KIF1A: variants seen among roughly 807,000 people sequenced by gnomAD.
KIF1A encodes the protein kinesin-like protein KIF1A.
KIF1A carries 46 observed loss-of-function variants against 227.3 expected under a neutral mutation model. The ratio of observed to expected loss-of-function variants is 0.20; its 90% CI spans 0.16 to 0.26. The LOEUF (loss-of-function observed/expected upper bound fraction) is 0.26. KIF1A is among the 10% of genes least tolerant of loss of function. The pLI is 1.00. For missense variants in KIF1A, 1,683 were observed against 2,485.9 expected, an observed-to-expected ratio of 0.68 and a Z score of 6.87; for synonymous variants, 1,022 against 1,012.8, an observed-to-expected ratio of 1.01 and a Z score of -0.17.
chr2:240,731,034 G>C (rs112343256), intron 38 of KIF1A, among the ~76,000 whole-genome samples: 20 of 152,336 alleles, frequency 1.3e-4, no homozygotes, highest in African/African-American at 4.6e-4. Flanking sequence ...TCTGTCCTGT[G>C]GGGAAATGTA....
intron 23 of KIF1A, 108 bp from the exon 24 acceptor site, chr2:240,761,485 A>G: frequency 1.9e-6 from 2 of 1,047,810 alleles, no homozygotes; most frequent in Non-Finnish European, 2.7e-6. Flanking sequence ...GGGCTGCCTA[A>G]GCTGACCCTG....
At chr2:240,754,782 G>A (rs1051468350) in intron 27 of KIF1A, among the ~76,000 whole-genome samples, 13 of 152,002 alleles carry the variant, frequency 8.6e-5, no homozygotes, top group African/African-American at 1.2e-4. Context: ...GCCGAGAGAC[G>A]CCATCCGCAG....
In KIF1A at chr2:240,792,063, C is replaced by T. The variant is rs1471848346; in HGVS notation, c.107-2751G>A. On this transcript the variant is annotated intron_variant, in intron 2 of 48. Transcript: ENST00000498729. The surrounding 1 kb of genome is among the most constrained non-coding windows in gnomAD (Gnocchi z 4.5). Reference sequence around the variant, plus strand: ...CCCTGTGCTGTGGCTGGGAACCATCCTCTGTCACTACAGATGGGCCCCAAG... The same window carrying T: ...CCCTGTGCTGTGGCTGGGAACCATCTTCTGTCACTACAGATGGGCCCCAAG... Among the ~76,000 whole-genome samples, 2 of 152,014 alleles carry T rather than the reference C, an allele frequency of 1.3e-5. No individual in the cohort carries two copies. The highest frequency in any genetic ancestry group is 4.8e-5 in the African/African-American group (2 of 41,400).
intron 45 of KIF1A, 129 bp downstream of exon 45, chr2:240,720,785 C>G: frequency 5.1e-6 from 6 of 1,179,728 alleles, no homozygotes; most frequent in Non-Finnish European, 5.8e-6. Context: ...CTTCCCTCAG[C>G]CTGTGGCCAC....
At chr2:240,730,646 A>T (rs982443114) in intron 38 of KIF1A, among the ~76,000 whole-genome samples, 4 of 152,226 alleles carry the variant, frequency 2.6e-5, no homozygotes, top group African/African-American at 7.2e-5. Flanking sequence ...ACATGATCCC[A>T]GCAGGAGACT....
chr2:240,796,349 A>G (rs1408465800), intron 2 of KIF1A, among the ~76,000 whole-genome samples: 4 of 152,218 alleles, frequency 2.6e-5, no homozygotes, highest in African/African-American at 9.6e-5. Flanking sequence ...TTGTTGGAAA[A>G]GCACTGGCCT....
In KIF1A at chr2:240,785,770, G is replaced by A. The variant is rs114425824; in HGVS notation, c.608+565C>T. Among the ~76,000 whole-genome samples the A allele has an allele frequency of 7.4e-3, 1,122 of 152,308 alleles. 19 individuals carry two copies. The highest frequency in any genetic ancestry group is 0.026 in the African/African-American group (1,099 of 41,570). ...GCCCTTGTGGGGCCACCAAAGGGGT[G>A]CAGGATGGCGCAGAGTGTGACTCAC... On this transcript the variant is annotated intron_variant, in intron 6 of 48. Coordinates refer to ENST00000498729, the MANE Select transcript of KIF1A (RefSeq NM_001244008.2).
chr2:240,791,365 A>G (rs2126111133), intron 2 of KIF1A, among the ~76,000 whole-genome samples: 1 of 152,074 alleles, frequency 6.6e-6, no homozygotes, highest in South Asian at 2.1e-4. Context: ...CAAGCCAGCA[A>G]CACCCACCGT....
chr2:240,796,403 G>A (rs2056402199), intron 2 of KIF1A, among the ~76,000 whole-genome samples: 1 of 152,108 alleles, frequency 6.6e-6, no homozygotes, highest in African/African-American at 2.4e-5. Context: ...TCATCCACGG[G>A]CCCCGGCAAG....
intron 46 of KIF1A, 80 bp downstream of exon 46, chr2:240,719,685 TGTGCCCCCA>T: frequency 2.9e-6 from 4 of 1,368,248 alleles, no homozygotes; most frequent in Non-Finnish European, 2.9e-6. Flanking sequence ...TGAGGGTCCC[TGTGCCCCCA>T]GTATGGGGAG....
intron 5 of KIF1A, among the ~76,000 whole-genome samples, 172 bp from the exon 6 acceptor site, chr2:240,786,685 TGAGGGGATGGGA>T (rs2054840515): frequency 8.0e-5 from 10 of 125,560 alleles, no homozygotes; most frequent in Admixed American, 1.6e-4. Flanking sequence ...CCAGGACCCC[TGAGGGGATGGGA>T]GCCAGCATCA....
intron 16 of KIF1A, 92 bp downstream of exon 16, chr2:240,769,535 A>T: frequency 9.4e-7 from 1 of 1,058,434 alleles, no homozygotes; most frequent in Non-Finnish European, 1.4e-6. Flanking sequence ...GGTGCCCAGC[A>T]CTGGAGGGCA....
chr2:240,784,967 G>T (rs200114776), intron 7 of KIF1A, 22 bp downstream of exon 7: 1 of 1,594,298 alleles, frequency 6.3e-7, no homozygotes, highest in South Asian at 1.1e-5. Context: ...TGGTGGCACC[G>T]CCTGTGAGGC....
chr2:240,801,972 C>T (rs915340142), intron 1 of KIF1A, among the ~76,000 whole-genome samples: 5 of 151,952 alleles, frequency 3.3e-5, no homozygotes, highest in Non-Finnish European at 5.9e-5. Context: ...TGCTGAAGCA[C>T]ATTGATCCAC....
At chr2:240,730,267 C>A (rs913267637) in intron 38 of KIF1A, among the ~76,000 whole-genome samples, 1 of 152,200 alleles carries the variant, frequency 6.6e-6, no homozygotes. Context: ...TGGGGCCCAC[C>A]GGGCTTGCAG....
intron 44 of KIF1A, 111 bp from the exon 45 acceptor site, chr2:240,721,149 C>T (rs1165421400): frequency 7.3e-7 from 1 of 1,375,744 alleles, no homozygotes; most frequent in African/African-American, 1.4e-5. Context: ...TAGGGCACCC[C>T]ACCCCTCCTA....
chr2:240,721,596 G>A lies in KIF1A; in HGVS notation c.4743+211C>T, dbSNP rs140352855. ...CATCCAAGGCCACAGGACCCACCCG[G>A]CCCCTCACTCACATCCCCACCTCCC... On this transcript the variant is annotated intron_variant, in intron 44 of 48. Transcript: ENST00000498729. 6.8e-3 allele frequency among the ~76,000 whole-genome samples: 1,038 copies of A among 152,286 alleles called. 15 individuals carry two copies. The highest frequency in any genetic ancestry group is 0.024 in the African/African-American group (1,017 of 41,556).
At chr2:240,727,729 G>A (rs3755531) in intron 38 of KIF1A, among the ~76,000 whole-genome samples, 40,247 of 152,142 alleles carry the variant, frequency 0.26, 5,437 homozygotes, top group African/African-American at 0.29. Flanking sequence ...CTCAGGGCCA[G>A]CCCCAGGGGC....
At chr2:240,734,423 A>G (rs1288901687) in intron 38 of KIF1A, among the ~76,000 whole-genome samples, 1 of 152,230 alleles carries the variant, frequency 6.6e-6, no homozygotes, top group African/African-American at 2.4e-5. Flanking sequence ...GCAGGAGGCC[A>G]GCCAGTGTCT....
Sources: allele counts gnomAD v4.1 joint callset (sites outside exome capture counted in the v4.1 genomes callset), GRCh38; gene constraint gnomAD v4.1.1; non-coding constraint Gnocchi (gnomAD v3.1); transcripts MANE v1.5; gene names NCBI Gene and HGNC (gene_info 2026-07-23, HGNC 2026-07-21).